Variants in GRAMD1B observed in about 807,000 individuals in gnomAD.
GRAMD1B encodes the protein protein Aster-B.
Under a neutral mutation model 99.7 loss-of-function variants are expected in GRAMD1B, and 37 were observed. That is an observed-to-expected ratio of 0.37 (90% confidence interval 0.29 to 0.49). The LOEUF is 0.49. GRAMD1B is among the 20% of genes least tolerant of loss of function. The pLI, the probability that GRAMD1B is intolerant of heterozygous loss-of-function variation, is 0.98. For synonymous variants in GRAMD1B, 427 were observed against 387.6 expected, an observed-to-expected ratio of 1.10 and a Z score of -1.19; for missense variants, 888 against 1,009.2, an observed-to-expected ratio of 0.88 and a Z score of 1.63.
chr11:123,569,034 G>A (rs1199604416), intron 2 of GRAMD1B, among the ~76,000 whole-genome samples: 1 of 152,154 alleles, frequency 6.6e-6, no homozygotes, highest in Non-Finnish European at 1.5e-5. Flanking sequence ...ACTGAGATTG[G>A]CACTGTTGGG....
chr11:123,462,143 A>G (rs1591600449), intron 1 of GRAMD1B, among the ~76,000 whole-genome samples: 1 of 149,528 alleles, frequency 6.7e-6, no homozygotes, highest in South Asian at 2.1e-4. Flanking sequence ...ATTTTTCTGT[A>G]TTTTTAGTAG....
chr11:123,443,245 T>G (rs1949491130), intron 1 of GRAMD1B, among the ~76,000 whole-genome samples: 1 of 152,234 alleles, frequency 6.6e-6, no homozygotes, highest in East Asian at 1.9e-4. Flanking sequence ...TAATAAAAGA[T>G]ATTAAGGATA....
intron 1 of GRAMD1B, chr11:123,459,631 C>T (rs1670801923): frequency 1.3e-5 from 2 of 152,078 alleles, no homozygotes; most frequent in African/African-American, 2.4e-5. Context: ...TTATTTTCTT[C>T]AAATACTGAC....
chr11:123,436,370 T>C (rs1949160412), intron 1 of GRAMD1B, among the ~76,000 whole-genome samples: 1 of 152,146 alleles, frequency 6.6e-6, no homozygotes, highest in Non-Finnish European at 1.5e-5. Flanking sequence ...GCAGTTTGGA[T>C]GTGTTGGCTT....
At chr11:123,435,763 A>C (rs1216916911) in intron 1 of GRAMD1B, 2 of 321,016 alleles carry the variant, frequency 6.2e-6, no homozygotes, top group African/African-American at 4.2e-5. Context: ...TTCCAAAAGG[A>C]GATGAGTACA....
intron 2 of GRAMD1B, among the ~76,000 whole-genome samples, chr11:123,560,093 T>A (rs1946563066): frequency 1.4e-5 from 2 of 145,222 alleles, no homozygotes; most frequent in South Asian, 4.7e-4. Flanking sequence ...CCAGCGGCTC[T>A]GTCCTCCACG....
At chr11:123,613,327 G>A (rs1394803806) in intron 15 of GRAMD1B, 128 bp from the exon 16 acceptor site, 3 of 674,242 alleles carry the variant, frequency 4.4e-6, no homozygotes, top group Non-Finnish European at 7.8e-6. Context: ...TGAGGCTCAT[G>A]GGCATCCCTG....
At chr11:123,398,290 G>T (rs568610400) in intron 1 of GRAMD1B, among the ~76,000 whole-genome samples, 99 of 152,304 alleles carry the variant, frequency 6.5e-4, no homozygotes, top group African/African-American at 2.3e-3. Flanking sequence ...GAAGGCACTG[G>T]TGAGGGCCTT....
intron 2 of GRAMD1B, among the ~76,000 whole-genome samples, chr11:123,482,221 C>T (rs1951651166): frequency 6.6e-6 from 1 of 152,034 alleles, no homozygotes; most frequent in Non-Finnish European, 1.5e-5. Context: ...ACCTCAGCCT[C>T]CGGAGTAATT....
chr11:123,469,912 G>A (rs542686257), intron 1 of GRAMD1B, among the ~76,000 whole-genome samples: 1 of 152,018 alleles, frequency 6.6e-6, no homozygotes, highest in Non-Finnish European at 1.5e-5. Flanking sequence ...TCTGCTAAGT[G>A]CTGCATTTTT....
chr11:123,520,167 A>T (rs982172667), intron 2 of GRAMD1B, among the ~76,000 whole-genome samples: 1 of 152,348 alleles, frequency 6.6e-6, no homozygotes, highest in East Asian at 1.9e-4. Flanking sequence ...ATCAAAAGGA[A>T]AAAGCTGAAC....
At chr11:123,525,967 G>T (rs1942678950) in intron 2 of GRAMD1B, 1 of 606,934 alleles carries the variant, frequency 1.6e-6, no homozygotes, top group South Asian at 2.1e-5. Context: ...GGAAGAAGGG[G>T]CAGTGGCAGC....
chr11:123,391,605 T>C (rs1360882221), intron 1 of GRAMD1B, among the ~76,000 whole-genome samples: 1 of 152,148 alleles, frequency 6.6e-6, no homozygotes, highest in African/African-American at 2.4e-5. Flanking sequence ...TACAGGTGAC[T>C]GCCAGCACGC....
At chr11:123,453,763 C>G (rs555555459) in intron 1 of GRAMD1B, among the ~76,000 whole-genome samples, 2 of 152,298 alleles carry the variant, frequency 1.3e-5, no homozygotes, top group South Asian at 4.1e-4. Flanking sequence ...CAATTGGACT[C>G]AAACCTATGC....
In GRAMD1B at chr11:123,624,291, ATT is replaced by A. The variant is rs1305636490; in HGVS notation, c.*1702_*1703del. On this transcript the variant is annotated 3_prime_UTR_variant, in exon 20 of 20. Transcript: ENST00000635736. ...TCATCTACCCCAAAGATAAAGTTGTATTTTTTTCTTAGAATGGCCTTTAATTC... is the reference window on the plus strand; with the variant it reads ...TCATCTACCCCAAAGATAAAGTTGTATTTTTCTTAGAATGGCCTTTAATTC... The A allele has an allele frequency of 6.6e-6, 1 of 152,148 alleles. No homozygotes were observed. The highest frequency in any genetic ancestry group is 1.5e-5 in the Non-Finnish European group (1 of 68,042). The allele number at this position is 152,148 out of a possible 1,614,324, so 9.4% of individuals were successfully genotyped here.
chr11:123,497,520 A>C (rs1355834716), intron 2 of GRAMD1B, among the ~76,000 whole-genome samples: 1 of 151,972 alleles, frequency 6.6e-6, no homozygotes, highest in African/African-American at 2.4e-5. Flanking sequence ...AAGTTCCCCT[A>C]GGCCCCAGAT....
chr11:123,376,700 T>C (rs556421584), intron 1 of GRAMD1B, among the ~76,000 whole-genome samples: 70 of 152,332 alleles, frequency 4.6e-4, no homozygotes, highest in African/African-American at 1.7e-3. Context: ...TTTTTTGCTT[T>C]TAATTGCCCA....
rs1427087098 is a variant in GRAMD1B at position 123,622,619 on chromosome 11, A to C, written c.*24A>C. 1 of 1,185,274 alleles carries C rather than the reference A, an allele frequency of 8.4e-7. No individual in the cohort carries two copies. The highest frequency in any genetic ancestry group is 1.2e-6 in the Non-Finnish European group (1 of 815,350). 73.4% of individuals were successfully genotyped at this position (1,185,274 alleles called of 1,614,324 possible). ...GACAAGGCAGGAACAGGGTGGCTGC[A>C]AGAGGCCTGTGCAATACATGTACAT... On this transcript the variant is annotated 3_prime_UTR_variant, in exon 20 of 20. Coordinates refer to ENST00000635736, the MANE Select transcript of GRAMD1B (RefSeq NM_001387025.1).
At chr11:123,471,412 A>C (rs965855981) in intron 1 of GRAMD1B, among the ~76,000 whole-genome samples, 4 of 152,204 alleles carry the variant, frequency 2.6e-5, no homozygotes, top group African/African-American at 4.8e-5. Flanking sequence ...GATGCTTGGT[A>C]ATTTTAAATG....
Sources: gnomAD v4.1 joint callset for allele counts (sites outside exome capture counted in the v4.1 genomes callset) on GRCh38, gnomAD v4.1.1 for gene constraint, MANE v1.5 for transcripts, NCBI Gene and HGNC (gene_info 2026-07-23, HGNC 2026-07-21) for gene names.